Variants in TMEM17 observed in about 807,000 individuals in gnomAD.
TMEM17 encodes the protein transmembrane protein 17.
In TMEM17, 15 loss-of-function variants were observed where a neutral mutation model predicts 19.1. The observed-to-expected ratio is 0.78, with a 90% CI of 0.52 to 1.21. The LOEUF is 1.21. Ranked by LOEUF, TMEM17 falls within the 50% of genes most tolerant of loss-of-function variation. The probability of loss-of-function intolerance (pLI) is 0.00; values close to 1 mark genes in which losing one functional copy is unlikely to be tolerated. For synonymous variants in TMEM17, 103 were observed against 86.9 expected (o/e 1.19, Z -1.03); for missense variants, 245 against 242.3 (o/e 1.01, Z -0.07).
chr2:62,483,499 C>A, the TMEM17 span, among the ~76,000 whole-genome samples: 9,969 of 152,032 alleles, frequency 0.066, 396 homozygotes, highest in East Asian at 0.16. Context: ...ACAGACAAAG[C>A]AAATAGATGA....
chr2:62,473,338 G>A, the TMEM17 span, among the ~76,000 whole-genome samples: 1 of 152,212 alleles, frequency 6.6e-6, no homozygotes, highest in Non-Finnish European at 1.5e-5. Flanking sequence ...AGGCTCAGCT[G>A]CTCCCTGTGG....
chr2:62,472,700 G>A, the TMEM17 span, among the ~76,000 whole-genome samples: 1 of 152,236 alleles, frequency 6.6e-6, no homozygotes, highest in Non-Finnish European at 1.5e-5. Flanking sequence ...GGGCAATGGG[G>A]TGGTAGATTG....
At chr2:62,486,839 A>C in the TMEM17 span, among the ~76,000 whole-genome samples, 1 of 152,072 alleles carries the variant, frequency 6.6e-6, no homozygotes, top group African/African-American at 2.4e-5. Flanking sequence ...CTCCAATCCC[A>C]GCTACATCAC....
the TMEM17 span, among the ~76,000 whole-genome samples, chr2:62,456,267 A>G: frequency 6.6e-6 from 1 of 152,232 alleles, no homozygotes; most frequent in Admixed American, 6.5e-5. Context: ...CTGGGCCAAA[A>G]TTAAGGGGTA....
the TMEM17 span, among the ~76,000 whole-genome samples, chr2:62,492,236 G>A: frequency 6.6e-6 from 1 of 152,188 alleles, no homozygotes; most frequent in Non-Finnish European, 1.5e-5. Context: ...TCTAAATTCT[G>A]TCTTCTGTTT....
chr2:62,475,150 C>T, the TMEM17 span, among the ~76,000 whole-genome samples: 2 of 152,192 alleles, frequency 1.3e-5, no homozygotes, highest in Non-Finnish European at 2.9e-5. Flanking sequence ...AAGGGGGCTG[C>T]CCAACCCTGG....
chr2:62,490,144 C>T, the TMEM17 span, among the ~76,000 whole-genome samples: 1,353 of 152,140 alleles, frequency 8.9e-3, 20 homozygotes, highest in African/African-American at 0.03. Flanking sequence ...CCACTGCACT[C>T]CAGCCTGGGT....
the TMEM17 span, among the ~76,000 whole-genome samples, chr2:62,466,982 A>ATTT: frequency 5.9e-5 from 9 of 151,792 alleles, no homozygotes; most frequent in Non-Finnish European, 7.4e-5. Flanking sequence ...CATTTTATTT[A>ATTT]ATTTATTTAT....
chr2:62,505,509 A>G (rs1169048280), intron 1 of TMEM17, among the ~76,000 whole-genome samples: 1 of 150,302 alleles, frequency 6.7e-6, no homozygotes, highest in Non-Finnish European at 1.5e-5. Context: ...CTTGCTTAGG[A>G]ACATACTTGT....
rs1328774935 is a variant in TMEM17 at position 62,500,381 on chromosome 2, C to T, written c.*828G>A. 2.6e-5 allele frequency: 4 copies of T among 152,140 alleles called. No individual in the cohort carries two copies. In the East Asian group the frequency reaches 5.8e-4, roughly 22 times the overall value. The allele number at this position is 152,140 out of a possible 1,614,324, so 9.4% of individuals were successfully genotyped here. On this transcript the variant is annotated 3_prime_UTR_variant, in exon 4 of 4. Transcript: ENST00000335390. ...TGTTTTCTTCTTCATCTCAGTATAACAGCTAATATTAGGGTTAGAATTTAA... is the reference window on the plus strand; with the variant it reads ...TGTTTTCTTCTTCATCTCAGTATAATAGCTAATATTAGGGTTAGAATTTAA...
chr2:62,477,809 G>C, the TMEM17 span, among the ~76,000 whole-genome samples: 1 of 152,258 alleles, frequency 6.6e-6, no homozygotes, highest in Non-Finnish European at 1.5e-5. Context: ...CTTAGGCCAA[G>C]CTGTGGCAGA....
At chr2:62,462,952 C>A in the TMEM17 span, among the ~76,000 whole-genome samples, 1 of 152,174 alleles carries the variant, frequency 6.6e-6, no homozygotes, top group Admixed American at 6.5e-5. Flanking sequence ...GGTATGTCCC[C>A]ACCTCTTTCC....
rs1679966644 is a variant in TMEM17, at chr2:62,502,782, A to G, written c.113T>C (p.Val38Ala). Residue 38 changes from valine to alanine, a missense_variant, in exon 2 of 4, where the codon GTC becomes GCC. By Grantham distance (64) the Val-to-Ala change is moderately conservative. Coordinates refer to ENST00000335390, the MANE Select transcript of TMEM17 (RefSeq NM_198276.3). Reference protein sequence around the residue: ...ESNEGPENEMVSSLALQMSLY... With the variant: ...ESNEGPENEMASSLALQMSLY... Reference sequence around the variant, plus strand: ...TGACATCTGCAGTGCCAAACTGGAGACCATTTCATTTTCTACAGAAGGAAC... The same window carrying G: ...TGACATCTGCAGTGCCAAACTGGAGGCCATTTCATTTTCTACAGAAGGAAC... The G allele has an allele frequency of 3.1e-6, 5 of 1,600,514 alleles. No homozygotes were observed. Among genetic ancestry groups the G allele is most frequent in the Non-Finnish European group, 3.4e-6 (4 of 1,175,106 alleles).
chr2:62,465,035 T>G, the TMEM17 span, among the ~76,000 whole-genome samples: 1 of 152,196 alleles, frequency 6.6e-6, no homozygotes, highest in Non-Finnish European at 1.5e-5. Flanking sequence ...AGCCATAATT[T>G]CTAATCTTTT....
At chr2:62,502,919 T>C (rs2103732254) in intron 1 of TMEM17, 125 bp from the exon 2 acceptor site, 1 of 447,148 alleles carries the variant, frequency 2.2e-6, no homozygotes. Context: ...TTTATGCCTA[T>C]TTATAATCAT....
At chr2:62,478,909 G>A in the TMEM17 span, among the ~76,000 whole-genome samples, 3 of 152,172 alleles carry the variant, frequency 2.0e-5, no homozygotes, top group Non-Finnish European at 4.4e-5. Flanking sequence ...GGGAGATTGG[G>A]GGGAGTTTAG....
the TMEM17 span, among the ~76,000 whole-genome samples, chr2:62,454,265 C>T: frequency 7.2e-5 from 11 of 152,170 alleles, no homozygotes; most frequent in Admixed American, 6.5e-4. Flanking sequence ...TGCAGTGTCT[C>T]CACAGACCCA....
chr2:62,462,003 A>G, the TMEM17 span, among the ~76,000 whole-genome samples: 1 of 152,308 alleles, frequency 6.6e-6, no homozygotes, highest in East Asian at 1.9e-4. Flanking sequence ...ATTACTGTAG[A>G]AGAGGTGAAT....
chr2:62,503,937 T>C (rs752187088), intron 1 of TMEM17, among the ~76,000 whole-genome samples: 1 of 152,218 alleles, frequency 6.6e-6, no homozygotes, highest in African/African-American at 2.4e-5. Context: ...GGGTCCTAGA[T>C]TAAGAATTTG....
Sources: allele counts gnomAD v4.1 joint callset (sites outside exome capture counted in the v4.1 genomes callset), GRCh38; gene constraint gnomAD v4.1.1; transcripts MANE v1.5; gene names NCBI Gene and HGNC (gene_info 2026-07-23, HGNC 2026-07-21).